Variants in SPATS2 observed in about 807,000 individuals in gnomAD.
SPATS2 encodes spermatogenesis-associated serine-rich protein 2.
A neutral mutation model predicts 63.7 loss-of-function variants in SPATS2; 38 were observed. The observed-to-expected ratio is 0.60, with a 90% confidence interval of 0.46 to 0.78. SPATS2 has a LOEUF of 0.78. Among genes scored for constraint, SPATS2 ranks in the 30% least tolerant of loss-of-function variants. The pLI, the probability that SPATS2 is intolerant of heterozygous loss-of-function variation, is 0.00. For missense variants in SPATS2, 588 were observed against 666.2 expected, an observed-to-expected ratio of 0.88 and a Z score of 1.29; for synonymous variants, 207 against 232.9, an observed-to-expected ratio of 0.89 and a Z score of 1.01.
chr12:49,487,663 T>C (rs1334245753), intron 4 of SPATS2, among the ~76,000 whole-genome samples: 2 of 152,176 alleles, frequency 1.3e-5, no homozygotes, highest in East Asian at 1.9e-4. Context: ...AGTGTTGTGA[T>C]CTCAGCTCAC....
chr12:49,438,901 G>T (rs1020950663), intron 2 of SPATS2, among the ~76,000 whole-genome samples: 2 of 152,118 alleles, frequency 1.3e-5, no homozygotes, highest in Non-Finnish European at 2.9e-5. Context: ...ATAATCAAAG[G>T]CTCTGTCCTC....
At chr12:49,500,818 A>G (rs11835368) in intron 9 of SPATS2, among the ~76,000 whole-genome samples, 2,326 of 152,222 alleles carry the variant, frequency 0.015, 58 homozygotes, top group African/African-American at 0.053. Flanking sequence ...CTAAGATCCT[A>G]TAACAAATGA....
At chr12:49,423,142 GT>G (rs1320450085) in intron 2 of SPATS2, among the ~76,000 whole-genome samples, 32 of 141,918 alleles carry the variant, frequency 2.3e-4, no homozygotes, top group Admixed American at 4.9e-4. Context: ...TACTGTTTTT[GT>G]TTTTTTTTTT....
At chr12:49,459,750 C>A (rs964393078) in intron 2 of SPATS2, among the ~76,000 whole-genome samples, 1 of 127,806 alleles carries the variant, frequency 7.8e-6, no homozygotes, top group Non-Finnish European at 1.7e-5. Context: ...TCCCCCCCCC[C>A]CCCCATATTT....
intron 2 of SPATS2, among the ~76,000 whole-genome samples, chr12:49,379,558 A>G (rs1464204468): frequency 4.0e-5 from 6 of 150,354 alleles, no homozygotes; most frequent in Admixed American, 4.0e-4. Flanking sequence ...CTCAAAAAAA[A>G]AAAAAAAAAA....
chr12:49,377,281 A>G (rs193029917), intron 2 of SPATS2, among the ~76,000 whole-genome samples: 27 of 152,330 alleles, frequency 1.8e-4, no homozygotes, highest in Admixed American at 1.7e-3. Flanking sequence ...CCTATAAATT[A>G]GACTATAGGA....
intron 2 of SPATS2, among the ~76,000 whole-genome samples, chr12:49,385,550 T>C: frequency 6.6e-6 from 1 of 152,180 alleles, no homozygotes; most frequent in East Asian, 1.9e-4. Context: ...GATTTAATCT[T>C]CAAAATATAT....
chr12:49,395,672 C>T (rs1358258322), intron 2 of SPATS2, among the ~76,000 whole-genome samples: 21 of 151,160 alleles, frequency 1.4e-4, no homozygotes, highest in South Asian at 2.1e-4. Flanking sequence ...GTGATCCACC[C>T]GCCTCAGCCT....
At chr12:49,416,020 CTTTTT>C (rs774706596) in intron 2 of SPATS2, among the ~76,000 whole-genome samples, 1 of 137,238 alleles carries the variant, frequency 7.3e-6, no homozygotes, top group African/African-American at 2.7e-5. Context: ...AAACATTTTA[CTTTTT>C]TTTTTTTTTT....
At chr12:49,368,237 G>C (rs1178547834) in intron 1 of SPATS2, among the ~76,000 whole-genome samples, 1 of 152,184 alleles carries the variant, frequency 6.6e-6, no homozygotes, top group Non-Finnish European at 1.5e-5. Context: ...TCTCAAGCTT[G>C]TCCCTCTGTT....
At chr12:49,458,254 G>A (rs1421378215) in intron 2 of SPATS2, among the ~76,000 whole-genome samples, 1 of 152,114 alleles carries the variant, frequency 6.6e-6, no homozygotes, top group Admixed American at 6.6e-5. Flanking sequence ...GATCACTGGA[G>A]GTCAGGAGTT....
chr12:49,433,940 T>G lies in SPATS2; in HGVS notation c.-243-26830T>G, dbSNP rs75953363. On this transcript the variant is annotated intron_variant, in intron 2 of 13. Transcript: ENST00000552918. The stretch of plus-strand genomic sequence containing the variant: ...TTACATTTGGTTCCTTATTTCTTTT[T>G]GAGTTAATTTTTGTGTATGGTGTAA... Among the ~76,000 whole-genome samples, 134 of 152,324 alleles carry G rather than the reference T, an allele frequency of 8.8e-4. No homozygotes were observed. In the East Asian group the frequency reaches 0.024, roughly 27 times the overall value.
chr12:49,487,572 A>G (rs907716221), intron 4 of SPATS2, among the ~76,000 whole-genome samples: 14 of 152,280 alleles, frequency 9.2e-5, no homozygotes, highest in South Asian at 6.2e-4. Flanking sequence ...GCAAGCTTAC[A>G]TAAGATCTCA....
intron 2 of SPATS2, among the ~76,000 whole-genome samples, chr12:49,419,055 C>T (rs931606179): frequency 6.6e-6 from 1 of 152,186 alleles, no homozygotes; most frequent in Non-Finnish European, 1.5e-5. Context: ...CTGACACATA[C>T]TCCTGTTCCC....
At chr12:49,414,413 A>G (rs997731126) in intron 2 of SPATS2, among the ~76,000 whole-genome samples, 1 of 152,124 alleles carries the variant, frequency 6.6e-6, no homozygotes, top group Non-Finnish European at 1.5e-5. Context: ...CCATCGAACT[A>G]AGACTTGTTT....
At chr12:49,393,592 T>C (rs1279992273) in intron 2 of SPATS2, among the ~76,000 whole-genome samples, 1 of 152,174 alleles carries the variant, frequency 6.6e-6, no homozygotes, top group Non-Finnish European at 1.5e-5. Flanking sequence ...CTAATGTGTT[T>C]TGTTTGTTTT....
At chr12:49,431,745 T>C (rs1474226884) in intron 2 of SPATS2, among the ~76,000 whole-genome samples, 1 of 152,168 alleles carries the variant, frequency 6.6e-6, no homozygotes, top group Non-Finnish European at 1.5e-5. Flanking sequence ...AGAAATTGTC[T>C]TGCTAGGGTG....
intron 2 of SPATS2, among the ~76,000 whole-genome samples, chr12:49,373,660 C>T (rs1944041362): frequency 6.6e-6 from 1 of 151,884 alleles, no homozygotes; most frequent in Non-Finnish European, 1.5e-5. Context: ...GGCATGGTGG[C>T]TCAAGCCTGT....
At chr12:49,433,859 C>T (rs1945227812) in intron 2 of SPATS2, among the ~76,000 whole-genome samples, 1 of 152,096 alleles carries the variant, frequency 6.6e-6, no homozygotes, top group Non-Finnish European at 1.5e-5. Flanking sequence ...ATTGCCAAAT[C>T]CTGCCTCATG....
Sources: gnomAD v4.1 joint callset for allele counts (sites outside exome capture counted in the v4.1 genomes callset) on GRCh38, gnomAD v4.1.1 for gene constraint, MANE v1.5 for transcripts, NCBI Gene and HGNC (gene_info 2026-07-23, HGNC 2026-07-21) for gene names.